The following ERMP1 variants were observed in gnomAD, a reference collection of about 807,000 sequenced individuals.
ERMP1 encodes the protein endoplasmic reticulum metallopeptidase 1, also known as Felix-ina.
In ERMP1, 86 loss-of-function variants were observed where a neutral mutation model predicts 92.0. The ratio of observed to expected loss-of-function variants is 0.93; its 90% CI spans 0.79 to 1.12. The LOEUF (loss-of-function observed/expected upper bound fraction) is 1.12. ERMP1 is among the 50% of genes most tolerant of loss of function. ERMP1 has a pLI of 0.00. For synonymous variants in ERMP1, 530 were observed against 412.8 expected (o/e 1.28, Z -3.44); for missense variants, 1,342 against 1,116.3 (o/e 1.20, Z -2.88).
chr9:5,793,959 T>G (rs1247884272), intron 13 of ERMP1, among the ~76,000 whole-genome samples: 2 of 152,108 alleles, frequency 1.3e-5, no homozygotes, highest in African/African-American at 4.8e-5. Context: ...TCATAAAGCC[T>G]TCTTCCAACA....
chr9:5,853,283 A>G (rs941071266), intron 6 of ERMP1, among the ~76,000 whole-genome samples: 3 of 152,216 alleles, frequency 2.0e-5, no homozygotes, highest in Non-Finnish European at 4.4e-5. Flanking sequence ...AGGAAAGGGC[A>G]GAGAGCTCTT....
intron 3 of ERMP1, among the ~76,000 whole-genome samples, chr9:5,824,437 C>T (rs1480482377): frequency 6.6e-6 from 1 of 152,126 alleles, no homozygotes; most frequent in African/African-American, 2.4e-5. Flanking sequence ...GAAACAGAGC[C>T]TGTGGCCCAG....
Position 5,812,184 on chromosome 9 carries a change from A to G in ERMP1, c.1055T>C (p.Ile352Thr), listed in dbSNP as rs568490069. 1 of 1,608,942 alleles carries G rather than the reference A, an allele frequency of 6.2e-7. No individual in the cohort carries two copies. The highest frequency in any genetic ancestry group is 1.3e-5 in the African/African-American group (1 of 74,888). Reference protein sequence around the residue: ...IDLAFIENGYIYHTKYDTADR... With the variant: ...IDLAFIENGYTYHTKYDTADR... ...CGCTGTGTCATACTTGGTGTGATAA[A>G]TGTATCCATTCTCAATAAAAGCTAA... The change falls in exon 6 of 15, where the codon ATT becomes ACT. Residue 352 changes from isoleucine to threonine, a missense_variant. Ile to Thr is a moderately conservative substitution (Grantham distance 89). Transcript: ENST00000339450.
intron 6 of ERMP1, among the ~76,000 whole-genome samples, chr9:5,847,414 T>G (rs892390647): frequency 3.3e-5 from 5 of 152,008 alleles, no homozygotes; most frequent in African/African-American, 9.7e-5. Context: ...AATTTTTGTA[T>G]TTTTAGTAGA....
chr9:5,844,310 G>A (rs1586836558), intron 6 of ERMP1, among the ~76,000 whole-genome samples: 5 of 152,256 alleles, frequency 3.3e-5, no homozygotes, highest in Admixed American at 3.3e-4. Flanking sequence ...GTCTTGCTCT[G>A]TCACCCCAGA....
intron 8 of ERMP1, among the ~76,000 whole-genome samples, chr9:5,806,909 G>C (rs953703957): frequency 3.9e-5 from 6 of 152,152 alleles, no homozygotes; most frequent in African/African-American, 1.4e-4. Context: ...TTCAAAACAA[G>C]TTACAGTTCA....
chr9:5,834,703 ATGTGTGTGTGTGTGTGTGTG>A (rs766269385), upstream of ERMP1, among the ~76,000 whole-genome samples: 1 of 122,906 alleles, frequency 8.1e-6, no homozygotes, highest in Non-Finnish European at 1.6e-5. Context: ...GTATGTATAT[ATGTGTGTGTGTGTGTGTGTG>A]TGTGTGTGTG....
In ERMP1 at chr9:5,785,230, C is replaced by T. The variant is rs1827886480; in HGVS notation, c.*1914G>A. 6.6e-6 allele frequency: 1 copy of T among 152,142 alleles called. No individual in the cohort carries two copies. The highest frequency in any genetic ancestry group is 1.5e-5 in the Non-Finnish European group (1 of 68,022). 9.4% of individuals were successfully genotyped at this position (152,142 alleles called of 1,614,324 possible). Reference sequence around the variant, plus strand: ...ATATGAAAACAGTCATAATTTATTACTGATAAAGAGTAAAGGCATCCTTCC... The same window carrying T: ...ATATGAAAACAGTCATAATTTATTATTGATAAAGAGTAAAGGCATCCTTCC... On this transcript the variant is annotated 3_prime_UTR_variant, in exon 15 of 15. Transcript: ENST00000339450.
intron 5 of ERMP1, among the ~76,000 whole-genome samples, chr9:5,860,663 G>T (rs1830459924): frequency 6.9e-6 from 1 of 144,540 alleles, no homozygotes; most frequent in South Asian, 2.2e-4. Flanking sequence ...TGCCCAGGCT[G>T]GCCTCGAACT....
intron 10 of ERMP1, among the ~76,000 whole-genome samples, chr9:5,803,232 C>A: frequency 6.6e-6 from 1 of 152,196 alleles, no homozygotes; most frequent in East Asian, 1.9e-4. Flanking sequence ...CACTGCTACA[C>A]ATAAGTAAGA....
chr9:5,823,750 C>A (rs1829630560), intron 4 of ERMP1, 146 bp downstream of exon 4: 1 of 641,646 alleles, frequency 1.6e-6, no homozygotes, highest in African/African-American at 1.9e-5. Context: ...AAATTTTTAA[C>A]AAAGACAAGC....
intron 2 of ERMP1, 115 bp downstream of exon 2, chr9:5,830,612 G>T (rs964064806): frequency 1.3e-5 from 9 of 710,032 alleles, no homozygotes; most frequent in Non-Finnish European, 2.1e-5. Context: ...CCATCACAAA[G>T]AAAAAAGGTT....
At chr9:5,864,305 C>T (rs1830587532) in intron 5 of ERMP1, among the ~76,000 whole-genome samples, 1 of 152,150 alleles carries the variant, frequency 6.6e-6, no homozygotes, top group African/African-American at 2.4e-5. Context: ...CCACTGTTTA[C>T]TCAGTAAGGG....
At chr9:5,831,762 G>A (rs531351829) in intron 1 of ERMP1, among the ~76,000 whole-genome samples, 1 of 152,184 alleles carries the variant, frequency 6.6e-6, no homozygotes, top group African/African-American at 2.4e-5. Flanking sequence ...GCGGGCGGGG[G>A]AAACTTTTGA....
chr9:5,791,277 G>C (rs1314850837), intron 13 of ERMP1: 1 of 456,736 alleles, frequency 2.2e-6, no homozygotes, highest in South Asian at 1.5e-5. Flanking sequence ...AGGATAGGCA[G>C]GCAGGCTGAA....
At chr9:5,800,723 C>T (rs184257558) in intron 11 of ERMP1, among the ~76,000 whole-genome samples, 1 of 152,210 alleles carries the variant, frequency 6.6e-6, no homozygotes, top group Admixed American at 6.5e-5. Context: ...TTATTAAACC[C>T]TTTCTAAGTT....
chr9:5,807,444 T>G (rs2797512), intron 8 of ERMP1, among the ~76,000 whole-genome samples: 8,791 of 152,130 alleles, frequency 0.058, 814 homozygotes, highest in African/African-American at 0.19. Flanking sequence ...TTTTAACACA[T>G]GCTTCAAAAA....
intron 6 of ERMP1, among the ~76,000 whole-genome samples, chr9:5,840,297 A>C (rs531894495): frequency 6.6e-6 from 1 of 152,252 alleles, no homozygotes; most frequent in South Asian, 2.1e-4. Context: ...GGAAGGGAGG[A>C]AGGTTGGGAG....
chr9:5,808,429 A>G (rs1422062915), intron 8 of ERMP1, among the ~76,000 whole-genome samples: 1 of 152,244 alleles, frequency 6.6e-6, no homozygotes, highest in Non-Finnish European at 1.5e-5. Flanking sequence ...GAGCTCAACC[A>G]TAAGCAGACG....
Sources: gnomAD v4.1 joint callset for allele counts (sites outside exome capture counted in the v4.1 genomes callset) on GRCh38, gnomAD v4.1.1 for gene constraint, MANE v1.5 for transcripts, NCBI Gene and HGNC (gene_info 2026-07-23, HGNC 2026-07-21) for gene names.